The following SPMAP1 variants were observed in gnomAD, a reference collection of about 807,000 sequenced individuals.
SPMAP1 encodes the protein sperm microtubule associated protein 1.
At chr17:38,836,293 C>T in the SPMAP1 span, among the ~76,000 whole-genome samples, 10,192 of 152,028 alleles carry the variant, frequency 0.067, 729 homozygotes, top group East Asian at 0.37. Context: ...CCTACCTGTG[C>T]CATGGGGTTA....
chr17:38,837,943 C>T, the SPMAP1 span, among the ~76,000 whole-genome samples: 2 of 152,146 alleles, frequency 1.3e-5, no homozygotes, highest in Non-Finnish European at 2.9e-5. Flanking sequence ...GACTGGAGTG[C>T]AGTGTTGCCA....
At chr17:38,836,653 C>T in the SPMAP1 span, among the ~76,000 whole-genome samples, 1 of 138,364 alleles carries the variant, frequency 7.2e-6, no homozygotes, top group South Asian at 2.2e-4. Context: ...TGCAGTGGCA[C>T]GATCTTGGCA....
At chr17:38,835,435 C>G in the SPMAP1 span, 16 of 1,377,208 alleles carry the variant, frequency 1.2e-5, no homozygotes, top group African/African-American at 1.4e-5. Context: ...GGATGCCAAC[C>G]AGGCGTAGTC....
At chr17:38,835,397 G>C in the SPMAP1 span, 1 of 1,599,596 alleles carries the variant, frequency 6.3e-7, no homozygotes, top group Non-Finnish European at 8.6e-7. Flanking sequence ...CCACCTCTTG[G>C]CTTCCCCATT....
the SPMAP1 span, among the ~76,000 whole-genome samples, chr17:38,840,476 G>A: frequency 6.6e-6 from 1 of 152,016 alleles, no homozygotes; most frequent in African/African-American, 2.4e-5. Context: ...TGTGAGCTCA[G>A]GGAGCTTGCG....
the SPMAP1 span, chr17:38,841,043 AAAT>A: frequency 2.5e-4 from 153 of 609,792 alleles, 1 homozygote; most frequent in East Asian, 3.2e-3. Flanking sequence ...CTTTGTCTCA[AAAT>A]AATAATAATA....
the SPMAP1 span, among the ~76,000 whole-genome samples, chr17:38,836,075 C>T: frequency 2.0e-5 from 3 of 151,734 alleles, no homozygotes; most frequent in Non-Finnish European, 4.4e-5. Flanking sequence ...CCACCACGCC[C>T]GGCTAATTTT....
the SPMAP1 span, chr17:38,837,263 G>T: frequency 6.6e-7 from 1 of 1,521,498 alleles, no homozygotes; most frequent in Non-Finnish European, 9.1e-7. Context: ...AAGAGAAAGT[G>T]GGCAAGAACA....
At chr17:38,836,748 G>A in the SPMAP1 span, among the ~76,000 whole-genome samples, 1 of 151,792 alleles carries the variant, frequency 6.6e-6, no homozygotes, top group Non-Finnish European at 1.5e-5. Context: ...GAGCCACCAC[G>A]CCTGGCTAAT....
At chr17:38,841,300 C>T in the SPMAP1 span, 7 of 1,614,042 alleles carry the variant, frequency 4.3e-6, no homozygotes, top group Middle Eastern at 1.6e-4. Flanking sequence ...GCCTAGAGCG[C>T]CCATAAGCGC....
chr17:38,840,912 A>G, the SPMAP1 span, among the ~76,000 whole-genome samples: 1 of 151,574 alleles, frequency 6.6e-6, no homozygotes, highest in Non-Finnish European at 1.5e-5. Flanking sequence ...AGGCTGAGGC[A>G]GGAGAATCGC....
chr17:38,836,007 C>T, the SPMAP1 span, among the ~76,000 whole-genome samples: 5 of 151,988 alleles, frequency 3.3e-5, no homozygotes, highest in African/African-American at 4.8e-5. Flanking sequence ...CTCTGCCTCC[C>T]GGGTTCAAGA....
chr17:38,835,185 G>A, the SPMAP1 span: 1 of 1,613,654 alleles, frequency 6.2e-7, no homozygotes, highest in Non-Finnish European at 8.5e-7. Flanking sequence ...GGGAAAAGAT[G>A]CTGTTAGAAC....
chr17:38,839,130 A>T, the SPMAP1 span, among the ~76,000 whole-genome samples: 13 of 151,290 alleles, frequency 8.6e-5, no homozygotes, highest in Non-Finnish European at 1.5e-5. Context: ...GCATTTTCAA[A>T]ATATGTATAC....
the SPMAP1 span, chr17:38,841,273 C>T: frequency 6.2e-7 from 1 of 1,614,188 alleles, no homozygotes; most frequent in African/African-American, 1.3e-5. Context: ...AGGGCGGAAT[C>T]GCCGACCACA....
At chr17:38,835,469 C>T in the SPMAP1 span, 39 of 1,028,334 alleles carry the variant, frequency 3.8e-5, no homozygotes, top group Middle Eastern at 4.5e-4. Flanking sequence ...ATGCTGAACA[C>T]GCAATCCACA....
At chr17:38,835,452 A>G in the SPMAP1 span, 8 of 1,203,636 alleles carry the variant, frequency 6.6e-6, no homozygotes, top group Non-Finnish European at 9.6e-6. Flanking sequence ...AGTCACTTGC[A>G]TTCCCCATGC....
the SPMAP1 span, among the ~76,000 whole-genome samples, chr17:38,836,051 A>T: frequency 1.3e-5 from 2 of 151,908 alleles, no homozygotes; most frequent in Non-Finnish European, 2.9e-5. Context: ...AGTAGCTGGG[A>T]TTATAGGTGC....
At chr17:38,838,759 G>C in the SPMAP1 span, among the ~76,000 whole-genome samples, 1 of 151,932 alleles carries the variant, frequency 6.6e-6, no homozygotes, top group Non-Finnish European at 1.5e-5. Flanking sequence ...GTGTGACAGA[G>C]TTGCACTCTG....
Sources: gnomAD v4.1 joint callset for allele counts (sites outside exome capture counted in the v4.1 genomes callset) on GRCh38, gnomAD v4.1.1 for gene constraint, MANE v1.5 for transcripts, NCBI Gene and HGNC (gene_info 2026-07-23, HGNC 2026-07-21) for gene names.